The following FGGY variants were observed in gnomAD, a reference collection of about 807,000 sequenced individuals.
FGGY encodes the protein FGGY carbohydrate kinase domain-containing protein.
In FGGY, 72 loss-of-function variants were observed where a neutral mutation model predicts 71.3. The ratio of observed to expected loss-of-function variants is 1.01; its 90% confidence interval spans 0.84 to 1.23. The LOEUF (loss-of-function observed/expected upper bound fraction) is 1.23. FGGY is among the 50% of genes most tolerant of loss of function. The pLI, the probability that FGGY is intolerant of heterozygous loss-of-function variation, is 0.00. For missense variants in FGGY, 668 were observed against 682.3 expected, an observed-to-expected ratio of 0.98 and a Z score of 0.23; for synonymous variants, 251 against 250.3, an observed-to-expected ratio of 1.00 and a Z score of -0.02.
intron 5 of FGGY, among the ~76,000 whole-genome samples, chr1:59,381,470 A>T (rs149332434): frequency 2.1e-3 from 312 of 152,182 alleles, no homozygotes; most frequent in African/African-American, 7.3e-3. Context: ...TTAAAAGCTG[A>T]GATACAAACA....
chr1:59,422,877 C>A (rs1262069457), intron 5 of FGGY, among the ~76,000 whole-genome samples: 1 of 152,116 alleles, frequency 6.6e-6, no homozygotes, highest in East Asian at 1.9e-4. Context: ...TTTATATTTT[C>A]TTCTTTAATT....
intron 14 of FGGY, among the ~76,000 whole-genome samples, 173 bp downstream of exon 14, chr1:59,674,306 C>G (rs978771418): frequency 6.6e-6 from 1 of 152,184 alleles, no homozygotes; most frequent in Non-Finnish European, 1.5e-5. Flanking sequence ...TTGCAGTTTT[C>G]ATTTGACTTG....
intron 15 of FGGY, among the ~76,000 whole-genome samples, chr1:59,762,090 G>A: frequency 7.0e-6 from 1 of 142,510 alleles, no homozygotes; most frequent in Admixed American, 7.1e-5. Flanking sequence ...TTTTTTGATG[G>A]AGTCTGGCTC....
At chr1:59,471,118 A>C (rs929846607) in intron 6 of FGGY, among the ~76,000 whole-genome samples, 1 of 152,174 alleles carries the variant, frequency 6.6e-6, no homozygotes, top group Admixed American at 6.5e-5. Context: ...ATCCACACAT[A>C]TATCAAGGGG....
chr1:59,340,107 A>T (rs2050363988), intron 3 of FGGY, 38 bp downstream of exon 3: 1 of 1,465,794 alleles, frequency 6.8e-7, no homozygotes, highest in East Asian at 2.3e-5. Context: ...GTGGTGGGAT[A>T]CTTGGCTGAT....
At chr1:59,588,738 C>T (rs1269464875) in intron 8 of FGGY, among the ~76,000 whole-genome samples, 3 of 152,146 alleles carry the variant, frequency 2.0e-5, no homozygotes, top group Non-Finnish European at 4.4e-5. Context: ...CAAGCCAATG[C>T]TGAGAGATTT....
intron 1 of FGGY, among the ~76,000 whole-genome samples, chr1:59,315,298 CATCA>C (rs1018275380): frequency 6.6e-6 from 1 of 151,810 alleles, no homozygotes; most frequent in Non-Finnish European, 1.5e-5. Context: ...CCCCTCCTCC[CATCA>C]ATCAAAGGAT....
chr1:59,303,101 A>G (rs1451796567), intron 1 of FGGY, among the ~76,000 whole-genome samples: 2 of 152,216 alleles, frequency 1.3e-5, no homozygotes, highest in Non-Finnish European at 2.9e-5. Flanking sequence ...AATTATATCC[A>G]TCACCTCATG....
chr1:59,709,466 TCACACACACACA>T (rs111353878), intron 14 of FGGY, among the ~76,000 whole-genome samples: 3 of 142,664 alleles, frequency 2.1e-5, no homozygotes, highest in East Asian at 2.1e-4. Context: ...TGAAACTATA[TCACACACACACA>T]CACACACACA....
intron 14 of FGGY, among the ~76,000 whole-genome samples, chr1:59,702,072 G>A (rs918915993): frequency 3.3e-5 from 5 of 152,110 alleles, no homozygotes; most frequent in African/African-American, 9.7e-5. Flanking sequence ...TTTACAAGGC[G>A]GTAGGAGAGA....
chr1:59,452,117 A>G (rs2153502099), intron 5 of FGGY, among the ~76,000 whole-genome samples: 2 of 151,496 alleles, frequency 1.3e-5, no homozygotes, highest in Admixed American at 1.3e-4. Context: ...CTCCTAAAAA[A>G]CACAAAATCT....
At position 59,346,335 on chromosome 1, in the gene FGGY, C is replaced by G; in HGVS notation, c.402C>G (p.Leu134=). The change falls in exon 4 of 16, where the codon CTC becomes CTG. Residue 134 remains leucine (L), a synonymous_variant. Coordinates refer to ENST00000303721, the MANE Select transcript of FGGY (RefSeq NM_018291.5). The part of the protein sequence containing the change: ...NRINETKHSV[L]QYVGGVMSVE... Reference sequence around the variant, plus strand: ...TCAATGAGACCAAGCACAGTGTCCTCCAGTACGTCGGGGGGGTGATGTCTG... The same window carrying G: ...TCAATGAGACCAAGCACAGTGTCCTGCAGTACGTCGGGGGGGTGATGTCTG... The G allele has an allele frequency of 6.2e-7, 1 of 1,612,146 alleles. No homozygotes were observed. The highest frequency in any genetic ancestry group is 1.1e-5 in the South Asian group (1 of 91,004).
intron 5 of FGGY, among the ~76,000 whole-genome samples, chr1:59,420,871 C>T (rs1190417608): frequency 1.3e-5 from 2 of 151,390 alleles, no homozygotes; most frequent in South Asian, 2.1e-4. Context: ...CCCAAATGCC[C>T]GGCCACCAAG....
rs142207492 is a variant in FGGY at position 59,699,295 on chromosome 1, A to G, written c.1512+25162A>G. On this transcript the variant is annotated intron_variant, in intron 14 of 15. Coordinates refer to ENST00000303721, the MANE Select transcript of FGGY (RefSeq NM_018291.5). ...AGTTTAAAAGGAAATTAAAAATTCA[A>G]TTAGAGATACTAAATTGTTTGTAGC... is the stretch of plus-strand genomic sequence containing the variant. 1.3e-4 allele frequency: 125 copies of G among 984,930 alleles called. No individual in the cohort carries two copies. In the East Asian group the frequency reaches 7.4e-3, roughly 58 times the overall value. The allele number at this position is 984,930 out of a possible 1,614,324, so 61.0% of individuals were successfully genotyped here.
At chr1:59,691,698 CTT>C (rs1455644251) in intron 14 of FGGY, among the ~76,000 whole-genome samples, 1 of 143,198 alleles carries the variant, frequency 7.0e-6, no homozygotes, top group Non-Finnish European at 1.5e-5. Flanking sequence ...ACTTTGGGGA[CTT>C]AACACTACCA....
chr1:59,453,351 T>C (rs1235629877), intron 5 of FGGY, among the ~76,000 whole-genome samples: 1 of 152,188 alleles, frequency 6.6e-6, no homozygotes, highest in Non-Finnish European at 1.5e-5. Context: ...ACTTTCCCTT[T>C]ATTGGGGAAA....
At chr1:59,453,873 G>A (rs2091433254) in intron 5 of FGGY, among the ~76,000 whole-genome samples, 1 of 152,158 alleles carries the variant, frequency 6.6e-6, no homozygotes, top group Non-Finnish European at 1.5e-5. Flanking sequence ...ACAATGTGGG[G>A]GACAGGAGGA....
intron 4 of FGGY, among the ~76,000 whole-genome samples, chr1:59,354,128 A>G (rs778352888): frequency 1.3e-4 from 19 of 151,850 alleles, no homozygotes; most frequent in Non-Finnish European, 2.6e-4. Context: ...CCCAGGTTGG[A>G]GTACAGTAGC....
intron 5 of FGGY, among the ~76,000 whole-genome samples, chr1:59,452,523 T>A (rs2091285794): frequency 6.6e-6 from 1 of 152,250 alleles, no homozygotes; most frequent in African/African-American, 2.4e-5. Flanking sequence ...TTTCTACTTC[T>A]GTGGGACTTG....
Sources: allele counts gnomAD v4.1 joint callset (sites outside exome capture counted in the v4.1 genomes callset), GRCh38; gene constraint gnomAD v4.1.1; transcripts MANE v1.5; gene names NCBI Gene and HGNC (gene_info 2026-07-23, HGNC 2026-07-21).